The following ADAM15 variants were observed in gnomAD, a reference collection of about 807,000 sequenced individuals.
The protein encoded by ADAM15 is disintegrin and metalloproteinase domain-containing protein 15.
ADAM15 carries 77 observed loss-of-function variants against 113.8 expected under a neutral mutation model. The ratio of observed to expected loss-of-function variants is 0.68; its 90% CI spans 0.56 to 0.82. The LOEUF is 0.82. ADAM15 is among the 40% of genes least tolerant of loss of function. The pLI is 0.00. For missense variants in ADAM15, 963 were observed against 1,120.1 expected (o/e 0.86, Z 2.00); for synonymous variants, 388 against 454.1 (o/e 0.85, Z 1.85).
chr1:155,054,079 C>A, intron 4 of ADAM15, 71 bp from the exon 5 acceptor site: 1 of 1,612,098 alleles, frequency 6.2e-7, no homozygotes. Context: ...TTTTTACCGT[C>A]AAGCTAGGCT....
intron 3 of ADAM15, 49 bp downstream of exon 3, chr1:155,053,542 A>G: frequency 6.3e-7 from 1 of 1,588,848 alleles, no homozygotes; most frequent in Non-Finnish European, 8.6e-7. Context: ...AACAACTTGT[A>G]TAGCATTTAT....
In ADAM15 at chr1:155,059,932, G is replaced by A. The variant is rs759365109; in HGVS notation, c.2026G>A (p.Glu676Lys). ...VCDSNRHCYC[E>K]EGWAPPDCTT... is the part of the protein sequence containing the mutation. ...TGACAGCAACAGGCACTGCTACTGT[G>A]AGGAGGGCTGGGCACCCCCTGACTG... Residue 676 changes from glutamate to lysine, a missense_variant, in exon 17 of 23, where the codon GAG (glutamate) becomes AAG (lysine). Glu to Lys is a moderately conservative substitution (Grantham distance 56). Coordinates refer to ENST00000356955, the MANE Select transcript of ADAM15 (RefSeq NM_207197.3). 2 of 1,613,962 alleles carry A rather than the reference G, an allele frequency of 1.2e-6. No homozygotes were observed. Among genetic ancestry groups the A allele is most frequent in the East Asian group, 2.2e-5 (1 of 44,894 alleles).
At chr1:155,060,399 C>T in intron 18 of ADAM15, 56 bp downstream of exon 18, 4 of 1,597,846 alleles carry the variant, frequency 2.5e-6, no homozygotes, top group Non-Finnish European at 3.4e-6. Flanking sequence ...GTGCTGAAGG[C>T]TGCCTCACCT....
At position 155,056,170 on chromosome 1, in the gene ADAM15, G is replaced by A. The variant is rs879501111; in HGVS notation, c.835G>A (p.Val279Ile). 7 of 1,614,010 alleles carry A rather than the reference G, an allele frequency of 4.3e-6. No individual in the cohort carries two copies. Among genetic ancestry groups the A allele is most frequent in the Non-Finnish European group, 5.9e-6 (7 of 1,180,018 alleles). Residue 279 changes from valine (V) to isoleucine (I), a missense_variant, in exon 9 of 23, where the codon GTC becomes ATC. By Grantham distance (29) the Val-to-Ile change is conservative (BLOSUM62 3). Transcript: ENST00000356955. This position sits in a 1 kb window ranked among gnomAD's most constrained non-coding sequence, Gnocchi z 4.0. ...DLVEISPNPA[V>I]TLENFLHWRR... ...GGTGGAGATCAGCCCAAACCCAGCT[G>A]TCACCCTCGAAAACTTCCTCCACTG...
chr1:155,059,977 A>G lies in ADAM15; in HGVS notation c.2068+3A>G, dbSNP rs1181139779. ...TGACTGCACCACTCAGCTCAAAGGT[A>G]GCATGGGGGTGGGGGACAGGGGCAG... On this transcript the variant is annotated splice_donor_region_variant and intron_variant, in intron 17 of 22. Transcript: ENST00000356955. The G allele has an allele frequency of 1.2e-6, 2 of 1,613,974 alleles. No homozygotes were observed. Among genetic ancestry groups the G allele is most frequent in the Admixed American group, 3.3e-5 (2 of 60,022 alleles).
intron 1 of ADAM15, chr1:155,052,439 C>A: frequency 1.4e-6 from 2 of 1,476,016 alleles, no homozygotes; most frequent in Non-Finnish European, 9.1e-7. Flanking sequence ...CTGCGCAAGC[C>A]GAAAGTCTTT....
rs575784427 is a variant in ADAM15 at position 155,058,447 on chromosome 1, C to A, written c.1917+6C>A. Reference sequence around the variant, plus strand: ...CAGCCTGTGGCCCTGGCCTGGTGAGCAGCCTGGGTGGGCAAGACCAGGTGT... The same window carrying A: ...CAGCCTGTGGCCCTGGCCTGGTGAGAAGCCTGGGTGGGCAAGACCAGGTGT... On this transcript the variant is annotated splice_donor_region_variant and intron_variant, in intron 15 of 22. Transcript: ENST00000356955. The surrounding 1 kb of genome is among the most constrained non-coding windows in gnomAD (Gnocchi z 4.3). 1.7e-4 allele frequency: 269 copies of A among 1,610,076 alleles called. 4 individuals carry two copies. In the South Asian group the frequency reaches 2.8e-3, roughly 16 times the overall value.
chr1:155,061,606 C>A, intron 20 of ADAM15, 117 bp downstream of exon 20: 1 of 1,160,800 alleles, frequency 8.6e-7, no homozygotes. Flanking sequence ...TCGGGGTGCC[C>A]CTCAGCCTTC....
Position 155,061,468 on chromosome 1 carries a change from C to G in ADAM15, c.2331C>G (p.Asp777Glu), listed in dbSNP as rs756245974. The change falls in exon 20 of 23, where the codon GAC becomes GAG. Residue 777 changes from aspartate (D) to glutamate (E), a missense_variant. Asp to Glu is a conservative substitution (Grantham distance 45). Coordinates refer to ENST00000356955, the MANE Select transcript of ADAM15 (RefSeq NM_207197.3). ...PAPPSRPLPP[D>E]PVSKRLQAEL... ...CCCCTTCCAGGCCGCTGCCGCCTGA[C>G]CCTGTGTCCAAGAGACTCCAGGTAA... 1 of 1,613,792 alleles carries G rather than the reference C, an allele frequency of 6.2e-7. No homozygotes were observed. The highest frequency in any genetic ancestry group is 1.7e-5 in the Admixed American group (1 of 60,004).
rs1662765972 is a variant in ADAM15, at chr1:155,062,329, G to C, written c.2509G>C (p.Gly837Arg). 1 of 1,540,670 alleles carries C rather than the reference G, an allele frequency of 6.5e-7. No homozygotes were observed. Among genetic ancestry groups the C allele is most frequent in the Non-Finnish European group, 8.8e-7 (1 of 1,140,738 alleles). ...QGRCPSGDLP[G>R]PGAGIPPLVV... is the part of the protein sequence containing the mutation. ...CCGGTGCCCATCGGGTGACCTGCCCGGCCCAGGGGCTGGAATCCCGCCCCT... is the reference window on the plus strand; with the variant it reads ...CCGGTGCCCATCGGGTGACCTGCCCCGCCCAGGGGCTGGAATCCCGCCCCT... The change falls in exon 22 of 23, where the codon GGC (glycine) becomes CGC (arginine). Residue 837 changes from glycine to arginine, a missense_variant. Gly to Arg is a moderately radical substitution (Grantham distance 125). Coordinates refer to ENST00000356955, the MANE Select transcript of ADAM15 (RefSeq NM_207197.3). This position sits in a 1 kb window ranked among gnomAD's most constrained non-coding sequence, Gnocchi z 7.0.
rs771336777 is a variant in ADAM15, at chr1:155,061,441, C to A, written c.2304C>A (p.Ala768=). 8 of 1,613,690 alleles carry A rather than the reference C, an allele frequency of 5.0e-6. No homozygotes were observed. Among genetic ancestry groups the A allele is most frequent in the Admixed American group, 3.3e-5 (2 of 59,978 alleles). ...AGGCTAGTGCTCTCAGCTTCCCGGC[C>A]CCCCCTTCCAGGCCGCTGCCGCCTG... is the stretch of plus-strand genomic sequence containing the variant. ...TKQASALSFP[A]PPSRPLPPDP... The change falls in exon 20 of 23, where the codon GCC becomes GCA. Residue 768 remains alanine (A), a synonymous_variant. Transcript: ENST00000356955.
chr1:155,053,808 GTTGCCTGGTCCCCAGCCCC>G, intron 3 of ADAM15, 83 bp from the exon 4 acceptor site: 9 of 1,381,864 alleles, frequency 6.5e-6, no homozygotes, highest in Non-Finnish European at 9.0e-6. Context: ...GGCTGCGGGG[GTTGCCTGGTCCCCAGCCCC>G]ACAACCACCT....
chr1:155,059,462 C>T (rs1662255109), intron 16 of ADAM15, among the ~76,000 whole-genome samples: 1 of 152,108 alleles, frequency 6.6e-6, no homozygotes, highest in Admixed American at 6.6e-5. Context: ...CCATCTCTTT[C>T]AAGGAAAAAT....
rs1444946192 is a variant in ADAM15 at position 155,062,258 on chromosome 1, C to T, written c.2438C>T (p.Ala813Val). 6.9e-7 allele frequency: 1 copy of T among 1,457,966 alleles called. No individual in the cohort carries two copies. The highest frequency in any genetic ancestry group is 1.4e-5 in the African/African-American group (1 of 69,994). 90.3% of individuals were successfully genotyped at this position (1,457,966 alleles called of 1,614,324 possible). Reference sequence around the variant, plus strand: ...TCTCTCCCTCAGTCTCAGGGGCCAGCCAAGCCCCCACCCCCAAGGAAGCCA... The same window carrying T: ...TCTCTCCCTCAGTCTCAGGGGCCAGTCAAGCCCCCACCCCCAAGGAAGCCA... ...VVRSPKSQGPAKPPPPRKPLP... is the reference protein window; with the variant it reads ...VVRSPKSQGPVKPPPPRKPLP... Residue 813 changes from alanine to valine, a missense_variant, in exon 22 of 23, where the codon GCC (alanine) becomes GTC (valine). Physicochemically the swap from Ala to Val is moderately conservative, Grantham distance 64. Coordinates refer to ENST00000356955, the MANE Select transcript of ADAM15 (RefSeq NM_207197.3). This position sits in a 1 kb window ranked among gnomAD's most constrained non-coding sequence, Gnocchi z 7.0.
intron 20 of ADAM15, 156 bp from the exon 21 acceptor site, chr1:155,061,748 T>C: frequency 1.1e-6 from 1 of 914,470 alleles, no homozygotes. Flanking sequence ...CCCTGAGACA[T>C]CAGCTGGCAT....
Position 155,057,358 on chromosome 1 carries a change from T to C in ADAM15, c.1319T>C (p.Leu440Pro), listed in dbSNP as rs969609348. 5 of 1,614,092 alleles carry C rather than the reference T, an allele frequency of 3.1e-6. No homozygotes were observed. The highest frequency in any genetic ancestry group is 4.2e-6 in the Non-Finnish European group (5 of 1,179,980). ...GGCGAGCAGTGTGACTGTGGCTTCC[T>C]GGATGTGAGCCCCTTTCCCAAAGCC... ...EPGEQCDCGF[L>P]DDCVDPCCDS... is the part of the protein sequence containing the mutation. The change falls in exon 12 of 23, where the codon CTG (leucine) becomes CCG (proline). Residue 440 changes from leucine to proline, a missense_variant. Leu to Pro is a moderately conservative substitution (Grantham distance 98). Transcript: ENST00000356955. The surrounding 1 kb of genome is among the most constrained non-coding windows in gnomAD (Gnocchi z 5.0).
chr1:155,053,436 T>G lies in ADAM15; in HGVS notation c.206T>G (p.Leu69Arg), dbSNP rs1447139493. 2 of 1,613,920 alleles carry G rather than the reference T, an allele frequency of 1.2e-6. No homozygotes were observed. Among genetic ancestry groups the G allele is most frequent in the Non-Finnish European group, 1.7e-6 (2 of 1,180,004 alleles). ...CCACAGACCAGTCTGCCTGAGCCCC[T>G]GAGGATCAAGTTGGAGCTGGACGGT... ...KVLQTSLPEP[L>R]RIKLELDGDS... is the part of the protein sequence containing the mutation. Residue 69 changes from leucine to arginine, a missense_variant, in exon 3 of 23, where the codon CTG becomes CGG. Physicochemically the swap from Leu to Arg is moderately radical, Grantham distance 102. Coordinates refer to ENST00000356955, the MANE Select transcript of ADAM15 (RefSeq NM_207197.3).
In ADAM15 at chr1:155,054,396, C is replaced by T. The variant is rs112262020; in HGVS notation, c.502C>T (p.Arg168Ter). 9.9e-6 allele frequency: 16 copies of T among 1,612,402 alleles called. No homozygotes were observed. In the South Asian group the frequency reaches 1.3e-4, roughly 13 times the overall value. ...CCTTCAGGGTCCTCCCATTATTTCGCGAATCCAAGATCTCCACCTGCCAGG... is the reference window on the plus strand; with the variant it reads ...CCTTCAGGGTCCTCCCATTATTTCGTGAATCCAAGATCTCCACCTGCCAGG... The part of the protein sequence containing the change: ...GDLQGPPIIS[R>*]IQDLHLPGHT... The change falls in exon 6 of 23, where the codon CGA (arginine) becomes TGA (stop). Residue 168 changes from arginine to a stop codon, truncating the protein, a stop_gained. Transcript: ENST00000356955. LOFTEE classifies it high-confidence loss of function.
In ADAM15 at chr1:155,058,622, C is replaced by A; in HGVS notation, c.1918-88C>A. 6.4e-7 allele frequency: 1 copy of A among 1,560,788 alleles called. No homozygotes were observed. On this transcript the variant is annotated intron_variant, in intron 15 of 22. Coordinates refer to ENST00000356955, the MANE Select transcript of ADAM15 (RefSeq NM_207197.3). This position sits in a 1 kb window ranked among gnomAD's most constrained non-coding sequence, Gnocchi z 4.3. ...ATGCCTTGGTTTCCCCATCTGTAAA[C>A]GCAGGGTATGGCCTCAACCTTATTG...
Sources: allele counts gnomAD v4.1 joint callset (sites outside exome capture counted in the v4.1 genomes callset), GRCh38; gene constraint gnomAD v4.1.1; non-coding constraint Gnocchi (gnomAD v3.1); transcripts MANE v1.5; gene names NCBI Gene and HGNC (gene_info 2026-07-23, HGNC 2026-07-21).